The following SYN2 variants were observed in gnomAD, a reference collection of about 807,000 sequenced individuals.
The protein encoded by SYN2 is synapsin II.
SYN2 carries 19 observed loss-of-function variants against 50.9 expected under a neutral mutation model. The ratio of observed to expected loss-of-function variants is 0.37; its 90% CI spans 0.26 to 0.55. SYN2 has a LOEUF of 0.55. Among genes scored for constraint, SYN2 ranks in the 20% least tolerant of loss-of-function variants. SYN2 has a pLI of 0.81. For missense variants in SYN2, 587 were observed against 576.4 expected, an observed-to-expected ratio of 1.02 and a Z score of -0.19; for synonymous variants, 255 against 224.9, an observed-to-expected ratio of 1.13 and a Z score of -1.20.
chr3:12,095,210 C>G (rs1446866113), intron 1 of SYN2, among the ~76,000 whole-genome samples: 1 of 151,748 alleles, frequency 6.6e-6, no homozygotes, highest in Non-Finnish European at 1.5e-5. Context: ...AGTCTGGCTT[C>G]CGTACCATTC....
intron 1 of SYN2, among the ~76,000 whole-genome samples, chr3:12,112,185 G>A (rs112141669): frequency 3.7e-4 from 57 of 152,214 alleles, no homozygotes; most frequent in African/African-American, 1.3e-3. Flanking sequence ...GGATCTGAAA[G>A]CAAAGCACTG....
intron 1 of SYN2, among the ~76,000 whole-genome samples, chr3:12,064,855 A>C (rs1695177886): frequency 6.6e-6 from 1 of 152,180 alleles, no homozygotes; most frequent in Non-Finnish European, 1.5e-5. Flanking sequence ...CATATGAGCC[A>C]GCAATTTCAC....
Position 12,158,971 on chromosome 3 carries a change from G to A in SYN2, c.775-2575G>A, listed in dbSNP as rs766713485. 3.6e-5 allele frequency: 48 copies of A among 1,329,290 alleles called. 1 individual carries two copies. Among genetic ancestry groups the A allele is most frequent in the East Asian group, 5.7e-5 (2 of 35,382 alleles). 82.3% of individuals were successfully genotyped at this position (1,329,290 alleles called of 1,614,324 possible). On this transcript the variant is annotated intron_variant, in intron 5 of 12. Transcript: ENST00000621198. ...TGGCCCTAAGGGCCAATCCCGCCCC[G>A]ACGGGCTCCGCCTTCCTTTGGCTCT... is the stretch of plus-strand genomic sequence containing the variant.
intron 10 of SYN2, among the ~76,000 whole-genome samples, chr3:12,182,378 T>C (rs1255919327): frequency 1.3e-5 from 2 of 152,178 alleles, no homozygotes; most frequent in African/African-American, 4.8e-5. Context: ...GACTTTAGGC[T>C]TCACAGAACA....
intron 1 of SYN2, among the ~76,000 whole-genome samples, chr3:12,105,439 G>A (rs1410461739): frequency 7.2e-6 from 1 of 138,414 alleles, no homozygotes; most frequent in African/African-American, 2.7e-5. Flanking sequence ...GATGGAATAG[G>A]AAGAAAAGAT....
At chr3:12,069,389 C>T (rs2125167264) in intron 1 of SYN2, among the ~76,000 whole-genome samples, 1 of 152,194 alleles carries the variant, frequency 6.6e-6, no homozygotes, top group Admixed American at 6.5e-5. Context: ...GCTGGGATTA[C>T]AGGCACATGC....
intron 1 of SYN2, among the ~76,000 whole-genome samples, chr3:12,115,658 A>G (rs975127365): frequency 4.6e-5 from 7 of 152,176 alleles, no homozygotes; most frequent in African/African-American, 1.7e-4. Context: ...TTTACATAGG[A>G]ACTTAAATCC....
chr3:12,132,234 G>C lies in SYN2; in HGVS notation c.378-8417G>C, dbSNP rs548838085. Among the ~76,000 whole-genome samples, 337 of 152,104 alleles carry C rather than the reference G, an allele frequency of 2.2e-3. 1 individual carries two copies. The highest frequency in any genetic ancestry group is 7.7e-3 in the African/African-American group (318 of 41,498). On this transcript the variant is annotated intron_variant, in intron 1 of 12. Transcript: ENST00000621198. ...CAGTAACTCTATAAACATTTCATGTGTCAAACAGTAGGACAGGCTTTGGTA... is the reference window on the plus strand; with the variant it reads ...CAGTAACTCTATAAACATTTCATGTCTCAAACAGTAGGACAGGCTTTGGTA...
chr3:12,014,152 A>G (rs1226663594), intron 1 of SYN2, among the ~76,000 whole-genome samples: 4 of 152,104 alleles, frequency 2.6e-5, no homozygotes, highest in African/African-American at 7.2e-5. Context: ...TCCCCACTAG[A>G]TAGTGGGTTC....
intron 1 of SYN2, among the ~76,000 whole-genome samples, chr3:12,132,924 C>G (rs1008196314): frequency 1.1e-4 from 16 of 152,194 alleles, no homozygotes; most frequent in African/African-American, 3.9e-4. Flanking sequence ...CATTCCAGTT[C>G]ATGATCCTCT....
chr3:12,069,809 T>TG (rs1027736555), intron 1 of SYN2, among the ~76,000 whole-genome samples: 2 of 151,396 alleles, frequency 1.3e-5, no homozygotes, highest in African/African-American at 2.4e-5. Context: ...TGTTTTGTTT[T>TG]GGGTTTTTTT....
At chr3:12,075,204 A>C (rs1251393745) in intron 1 of SYN2, among the ~76,000 whole-genome samples, 2 of 152,154 alleles carry the variant, frequency 1.3e-5, no homozygotes, top group Non-Finnish European at 2.9e-5. Flanking sequence ...ATGGTTGATC[A>C]GCTTATATGA....
At position 12,135,014 on chromosome 3, in the gene SYN2, G is replaced by C. The variant is rs114462735; in HGVS notation, c.378-5637G>C. 2.5e-3 allele frequency among the ~76,000 whole-genome samples: 384 copies of C among 152,302 alleles called. 2 individuals are homozygous for C. The highest frequency in any genetic ancestry group is 8.7e-3 in the African/African-American group (360 of 41,568). ...CAAACCACGGCGTTTCTTTCTACAAGTTGCAAAAGCCAGCTATCCAGCTTC... is the reference window on the plus strand; with the variant it reads ...CAAACCACGGCGTTTCTTTCTACAACTTGCAAAAGCCAGCTATCCAGCTTC... On this transcript the variant is annotated intron_variant, in intron 1 of 12. Coordinates refer to ENST00000621198, the MANE Select transcript of SYN2 (RefSeq NM_133625.6).
chr3:12,146,869 C>G (rs1697160985), intron 4 of SYN2, among the ~76,000 whole-genome samples: 1 of 152,150 alleles, frequency 6.6e-6, no homozygotes, highest in South Asian at 2.1e-4. Flanking sequence ...GAAGGTAACA[C>G]CTACCCCTAA....
Position 12,161,624 on chromosome 3 carries a change from C to T in SYN2, c.837+16C>T. On this transcript the variant is annotated intron_variant, in intron 6 of 12. Transcript: ENST00000621198. ...CATGGGCAAGGTGAGGCAGAGAGGC[C>T]TGCTGTGCTTCAGGGTTGAACCAAG... 6.2e-7 allele frequency: 1 copy of T among 1,613,962 alleles called. No homozygotes were observed. The highest frequency in any genetic ancestry group is 8.5e-7 in the Non-Finnish European group (1 of 1,179,868).
chr3:12,071,429 G>T (rs1262990067), intron 1 of SYN2: 2 of 524,512 alleles, frequency 3.8e-6, no homozygotes, highest in African/African-American at 3.9e-5. Context: ...ATTGCCCCTG[G>T]CAAATGCATA....
intron 1 of SYN2, among the ~76,000 whole-genome samples, chr3:12,033,117 C>G (rs1344930560): frequency 6.6e-6 from 1 of 151,732 alleles, no homozygotes; most frequent in African/African-American, 2.4e-5. Context: ...CCCTCAGCTG[C>G]AGGTCTGTTG....
Position 12,027,819 on chromosome 3 carries a change from A to G in SYN2, c.377+22891A>G, listed in dbSNP as rs1403378723. Among the ~76,000 whole-genome samples the G allele has an allele frequency of 2.6e-5, 4 of 152,086 alleles. 1 individual carries two copies. Among genetic ancestry groups the G allele is most frequent in the African/African-American group, 9.7e-5 (4 of 41,398 alleles). On this transcript the variant is annotated intron_variant, in intron 1 of 12. Coordinates refer to ENST00000621198, the MANE Select transcript of SYN2 (RefSeq NM_133625.6). ...AGAATGATTGTGCTATTAATATTTC[A>G]TGGCCCAGTGGAAAAAAGTTTAGAG...
At chr3:12,021,345 C>A (rs1426271688) in intron 1 of SYN2, among the ~76,000 whole-genome samples, 3 of 152,148 alleles carry the variant, frequency 2.0e-5, no homozygotes, top group Non-Finnish European at 4.4e-5. Context: ...GTCTATCAAC[C>A]ATTTTTACCT....
Sources: allele counts gnomAD v4.1 joint callset (sites outside exome capture counted in the v4.1 genomes callset), GRCh38; gene constraint gnomAD v4.1.1; transcripts MANE v1.5; gene names NCBI Gene and HGNC (gene_info 2026-07-23, HGNC 2026-07-21).